The following GANC variants were observed in gnomAD, a reference collection of about 807,000 sequenced individuals.
GANC encodes glucosidase alpha, neutral C, also known as neutral alpha-glucosidase C.
GANC carries 117 observed loss-of-function variants against 124.2 expected under a neutral mutation model. The observed-to-expected ratio is 0.94, with a 90% CI of 0.81 to 1.10. The LOEUF is 1.10. GANC is among the 50% of genes least tolerant of loss of function. The pLI is 0.00. For missense variants in GANC, 1,140 were observed against 1,095.0 expected (o/e 1.04, Z -0.58); for synonymous variants, 377 against 376.8 (o/e 1.00, Z -0.01).
At chr15:42,333,226 G>A (rs1161157743) in intron 15 of GANC, among the ~76,000 whole-genome samples, 2 of 151,820 alleles carry the variant, frequency 1.3e-5, no homozygotes. Context: ...TATTCAGGAG[G>A]CTGAGGCAGG....
chr15:42,323,071 A>G (rs1659222), intron 11 of GANC, among the ~76,000 whole-genome samples: 122,795 of 152,182 alleles, frequency 0.81, 52,156 homozygotes, highest in Middle Eastern at 0.95. Flanking sequence ...AGACAATATG[A>G]TAAAACACAT....
At chr15:42,350,426 A>G (rs2052418277) in intron 22 of GANC, among the ~76,000 whole-genome samples, 1 of 152,074 alleles carries the variant, frequency 6.6e-6, no homozygotes, top group South Asian at 2.1e-4. Context: ...CTGATTTATT[A>G]CAATTTGATT....
chr15:42,281,601 C>CTT (rs1332088253), intron 3 of GANC, among the ~76,000 whole-genome samples: 3 of 152,190 alleles, frequency 2.0e-5, no homozygotes, highest in Non-Finnish European at 4.4e-5. Flanking sequence ...ATGAGAATCA[C>CTT]TTGACCCTGG....
chr15:42,312,052 T>C (rs1004836182), intron 10 of GANC, among the ~76,000 whole-genome samples: 25 of 152,100 alleles, frequency 1.6e-4, no homozygotes, highest in Admixed American at 1.6e-3. Flanking sequence ...TGGAAAGACA[T>C]CCCATGTTCA....
At chr15:42,310,006 G>A (rs1376450416) in intron 8 of GANC, among the ~76,000 whole-genome samples, 1 of 152,130 alleles carries the variant, frequency 6.6e-6, no homozygotes, top group Non-Finnish European at 1.5e-5. Context: ...GTGACAGAGT[G>A]AGACCCTATC....
chr15:42,278,947 A>G (rs1374071361), intron 3 of GANC, among the ~76,000 whole-genome samples: 1 of 152,170 alleles, frequency 6.6e-6, no homozygotes, highest in Non-Finnish European at 1.5e-5. Context: ...GTGAGCCATG[A>G]TAGTGCCACT....
In GANC at chr15:42,276,336, CT is replaced by C; in HGVS notation, c.30-7del. ...GTGTGAAATAAATTTCTCAAAATGT[CT>C]TTTTATTTAGTCTTGAAGATGAAGC... On this transcript the variant is annotated splice_polypyrimidine_tract_variant and intron_variant, in intron 1 of 23. Transcript: ENST00000318010. 2 of 1,290,612 alleles carry C rather than the reference CT, an allele frequency of 1.5e-6. No individual in the cohort carries two copies. The highest frequency in any genetic ancestry group is 2.2e-6 in the Non-Finnish European group (2 of 890,094). The allele number at this position is 1,290,612 out of a possible 1,614,324, so 79.9% of individuals were successfully genotyped here.
chr15:42,308,079 G>A (rs2052015204), intron 7 of GANC, 143 bp from the exon 8 acceptor site: 1 of 550,478 alleles, frequency 1.8e-6, no homozygotes, highest in African/African-American at 1.8e-5. Flanking sequence ...CAGAGGGTCA[G>A]TACACAGCAT....
intron 20 of GANC, among the ~76,000 whole-genome samples, chr15:42,347,030 A>T (rs1210513364): frequency 6.6e-6 from 1 of 151,936 alleles, no homozygotes; most frequent in Non-Finnish European, 1.5e-5. Context: ...CAGGTAAAAA[A>T]CCCTGAGATT....
Position 42,351,407 on chromosome 15 carries a change from A to G in GANC, c.2610A>G (p.Pro870=), listed in dbSNP as rs761631198. The G allele has an allele frequency of 8.2e-5, 133 of 1,613,668 alleles. 1 individual carries two copies. The South Asian group carries it at 1.3e-3, about 16-fold the overall frequency. ...TGGTCTTAGGCTTCAGGAAGGAGCCATCTTCTGTGACTACCCACTCATCTG... is the reference window on the plus strand; with the variant it reads ...TGGTCTTAGGCTTCAGGAAGGAGCCGTCTTCTGTGACTACCCACTCATCTG... The part of the protein sequence containing the change: ...KILVLGFRKE[P]SSVTTHSSDG... The change falls in exon 23 of 24, where the codon CCA becomes CCG. Residue 870 remains proline, a synonymous_variant. Transcript: ENST00000318010.
At chr15:42,343,293 T>C in intron 19 of GANC, 139 bp downstream of exon 19, 1 of 704,440 alleles carries the variant, frequency 1.4e-6, no homozygotes, top group East Asian at 2.8e-5. Context: ...TAATAAGTCA[T>C]GACCACTGTC....
intron 10 of GANC, among the ~76,000 whole-genome samples, chr15:42,321,207 C>T (rs1363215859): frequency 1.3e-5 from 2 of 152,190 alleles, no homozygotes; most frequent in South Asian, 4.1e-4. Context: ...GCTAAGATTA[C>T]ATCTTGCCAG....
intron 15 of GANC, among the ~76,000 whole-genome samples, chr15:42,335,484 A>G (rs374764342): frequency 2.6e-5 from 4 of 152,186 alleles, no homozygotes; most frequent in South Asian, 2.1e-4. Context: ...TAAGAGTCAT[A>G]TTTGACAAAT....
chr15:42,281,100 T>C (rs1312885398), intron 3 of GANC: 2 of 702,452 alleles, frequency 2.8e-6, no homozygotes, highest in African/African-American at 3.5e-5. Context: ...GACTGAGAAC[T>C]TTGAGGACCT....
At chr15:42,302,128 C>T (rs552680976) in intron 6 of GANC, among the ~76,000 whole-genome samples, 6 of 152,254 alleles carry the variant, frequency 3.9e-5, no homozygotes, top group African/African-American at 1.2e-4. Flanking sequence ...TGCGGGTGCC[C>T]CTCTGGGACT....
At chr15:42,340,223 A>G (rs1317732074) in intron 17 of GANC, among the ~76,000 whole-genome samples, 1 of 152,212 alleles carries the variant, frequency 6.6e-6, no homozygotes, top group African/African-American at 2.4e-5. Flanking sequence ...ACCTATCAGT[A>G]TCTTCTCATG....
chr15:42,332,095 A>G (rs1354867160), intron 15 of GANC, among the ~76,000 whole-genome samples: 1 of 152,162 alleles, frequency 6.6e-6, no homozygotes, highest in Non-Finnish European at 1.5e-5. Context: ...AATGCACACA[A>G]TCAAGGCTAA....
chr15:42,327,850 C>T (rs1029467353), intron 13 of GANC, among the ~76,000 whole-genome samples: 3 of 152,120 alleles, frequency 2.0e-5, no homozygotes, highest in African/African-American at 7.2e-5. Context: ...CTGATAAGAA[C>T]CACAGAGGAA....
intron 15 of GANC, among the ~76,000 whole-genome samples, chr15:42,337,811 C>T (rs1386792468): frequency 2.0e-5 from 3 of 152,186 alleles, no homozygotes; most frequent in Non-Finnish European, 2.9e-5. Flanking sequence ...CCTATAATTT[C>T]AGCACTTTGG....
Sources: allele counts gnomAD v4.1 joint callset (sites outside exome capture counted in the v4.1 genomes callset), GRCh38; gene constraint gnomAD v4.1.1; transcripts MANE v1.5; gene names NCBI Gene and HGNC (gene_info 2026-07-23, HGNC 2026-07-21).